Variants in FIG4 observed in about 807,000 individuals in gnomAD.
FIG4 encodes the protein polyphosphoinositide phosphatase.
FIG4 carries 112 observed loss-of-function variants against 118.6 expected under a neutral mutation model. The ratio of observed to expected loss-of-function variants is 0.94; its 90% CI spans 0.81 to 1.11. The LOEUF is 1.11. Ranked by LOEUF, FIG4 falls within the 50% of genes least tolerant of loss-of-function variation. The pLI, the probability that FIG4 is intolerant of heterozygous loss-of-function variation, is 0.00. For synonymous variants in FIG4, 369 were observed against 381.2 expected (o/e 0.97, Z 0.37); for missense variants, 969 against 1,111.7 (o/e 0.87, Z 1.83).
intron 22 of FIG4, among the ~76,000 whole-genome samples, chr6:109,805,769 A>G (rs1013459126): frequency 3.9e-5 from 6 of 152,200 alleles, no homozygotes; most frequent in Admixed American, 6.5e-5. Context: ...TAAGCATTGT[A>G]TATCAGAGAA....
intron 22 of FIG4, among the ~76,000 whole-genome samples, chr6:109,822,865 C>G (rs1439360372): frequency 1.5e-5 from 2 of 130,478 alleles, no homozygotes; most frequent in East Asian, 4.3e-4. Context: ...AATACATATA[C>G]ATATATAAGT....
chr6:109,714,963 C>T, intron 1 of FIG4, 115 bp from the exon 2 acceptor site: 1 of 619,030 alleles, frequency 1.6e-6, no homozygotes, highest in Non-Finnish European at 2.9e-6. Context: ...AGAAATATTT[C>T]TTTAAAAAGT....
intron 1 of FIG4, among the ~76,000 whole-genome samples, chr6:109,695,536 GT>G (rs1303267772): frequency 6.6e-6 from 1 of 151,662 alleles, no homozygotes; most frequent in East Asian, 1.9e-4. Context: ...AGCAGATACT[GT>G]TCTTTAGCTT....
chr6:109,778,900 C>CA (rs1328545144), intron 16 of FIG4, among the ~76,000 whole-genome samples: 4 of 152,072 alleles, frequency 2.6e-5, no homozygotes, highest in Non-Finnish European at 5.9e-5. Flanking sequence ...CGCCCGGCTT[C>CA]TTGCAGCTGT....
intron 1 of FIG4, among the ~76,000 whole-genome samples, chr6:109,699,265 A>G (rs552752566): frequency 3.7e-4 from 57 of 152,334 alleles, no homozygotes; most frequent in African/African-American, 1.3e-3. Context: ...TAAGTTGCCC[A>G]TAATATTCCC....
In FIG4 at chr6:109,739,902, G is replaced by A. The variant is rs1317009812; in HGVS notation, c.775+1449G>A. The stretch of plus-strand genomic sequence containing the variant: ...CGAGGTTAGCCTTGAAGAGCAGCAG[G>A]GCTGCCTTCTGTGAGGGGGACGAAA... On this transcript the variant is annotated intron_variant, in intron 7 of 22. Transcript: ENST00000230124. Among the ~76,000 whole-genome samples the A allele has an allele frequency of 2.0e-5, 3 of 152,130 alleles. No homozygotes were observed. In the East Asian group the frequency reaches 5.8e-4, roughly 29 times the overall value.
intron 21 of FIG4, 53 bp from the exon 22 acceptor site, chr6:109,796,712 T>C: frequency 3.9e-6 from 4 of 1,029,226 alleles, no homozygotes; most frequent in Non-Finnish European, 6.2e-6. Context: ...ATCTACTGAA[T>C]TAATTGCAAG....
intron 10 of FIG4, among the ~76,000 whole-genome samples, chr6:109,751,613 G>A (rs1776698976): frequency 1.3e-5 from 2 of 151,954 alleles, no homozygotes; most frequent in Admixed American, 1.3e-4. Flanking sequence ...GTTTATTCAG[G>A]GATTTGACCT....
At chr6:109,705,077 G>A (rs764166747) in intron 1 of FIG4, among the ~76,000 whole-genome samples, 6 of 152,018 alleles carry the variant, frequency 3.9e-5, no homozygotes, top group Non-Finnish European at 8.8e-5. Context: ...CTGTTCTGTT[G>A]TCTTTGAAGA....
At chr6:109,701,856 G>A (rs935212285) in intron 1 of FIG4, 8 of 426,246 alleles carry the variant, frequency 1.9e-5, no homozygotes, top group African/African-American at 4.1e-5. Flanking sequence ...GAAACATAGC[G>A]ATTATATTAA....
chr6:109,742,379 T>G lies in FIG4; in HGVS notation c.877-731T>G, dbSNP rs138079323. The stretch of plus-strand genomic sequence containing the variant: ...TGCAGCCATCCTTCCATCAGCCGTG[T>G]TCTGTCCTTTGAGTGCTCCGTCTCT... On this transcript the variant is annotated intron_variant, in intron 8 of 22. Coordinates refer to ENST00000230124, the MANE Select transcript of FIG4 (RefSeq NM_014845.6). 6.6e-3 allele frequency among the ~76,000 whole-genome samples: 1,003 copies of G among 152,204 alleles called. 13 individuals are homozygous for G. Among genetic ancestry groups the G allele is most frequent in the African/African-American group, 0.022 (898 of 41,548 alleles).
At chr6:109,780,938 T>G (rs906741990) in intron 16 of FIG4, among the ~76,000 whole-genome samples, 2 of 152,248 alleles carry the variant, frequency 1.3e-5, no homozygotes, top group Non-Finnish European at 2.9e-5. Context: ...TAAGATTCCA[T>G]CTAATGAACT....
At chr6:109,693,305 CTG>C (rs994161344) in intron 1 of FIG4, among the ~76,000 whole-genome samples, 27 of 152,150 alleles carry the variant, frequency 1.8e-4, no homozygotes, top group African/African-American at 6.5e-4. Context: ...TATATCTGCC[CTG>C]TGTTTTTCTG....
At chr6:109,708,587 AGT>A (rs1775161914) in intron 1 of FIG4, among the ~76,000 whole-genome samples, 2 of 152,320 alleles carry the variant, frequency 1.3e-5, no homozygotes, top group South Asian at 4.1e-4. Context: ...TCCTGCTAAC[AGT>A]GTATAAGTGT....
intron 18 of FIG4, among the ~76,000 whole-genome samples, chr6:109,787,540 T>C (rs922829713): frequency 6.6e-6 from 1 of 152,236 alleles, no homozygotes; most frequent in Non-Finnish European, 1.5e-5. Context: ...TGTGTTCATA[T>C]ACATATAAAC....
rs778826553 is a variant in FIG4, at chr6:109,732,620, T to TA, written c.447-17_447-16insA. 9.5e-7 allele frequency: 1 copy of TA among 1,057,620 alleles called. No individual in the cohort carries two copies. The highest frequency in any genetic ancestry group is 1.4e-6 in the Non-Finnish European group (1 of 736,414). 65.5% of individuals were successfully genotyped at this position (1,057,620 alleles called of 1,614,324 possible). A position where few individuals can be genotyped will look rare whatever the true frequency, so the allele number is the denominator to read the frequency against. On this transcript the variant is annotated splice_polypyrimidine_tract_variant and intron_variant, in intron 4 of 22. Coordinates refer to ENST00000230124, the MANE Select transcript of FIG4 (RefSeq NM_014845.6). ...AGTATTGGACAAATGAAATGTACTTTGTTTTTTTTTTTTTAGGTATCTACG... is the reference window on the plus strand; with the variant it reads ...AGTATTGGACAAATGAAATGTACTTTAGTTTTTTTTTTTTTAGGTATCTACG...
intron 15 of FIG4, among the ~76,000 whole-genome samples, chr6:109,768,774 G>A (rs1777358459): frequency 6.6e-6 from 1 of 152,130 alleles, no homozygotes; most frequent in African/African-American, 2.4e-5. Flanking sequence ...CAAATCATAG[G>A]TGCCCCTGCC....
intron 22 of FIG4, among the ~76,000 whole-genome samples, chr6:109,818,774 C>T (rs1778929309): frequency 6.6e-6 from 1 of 152,180 alleles, no homozygotes; most frequent in African/African-American, 2.4e-5. Flanking sequence ...CACTAATCTG[C>T]AAAACACATA....
At chr6:109,702,265 A>G (rs997530985) in intron 1 of FIG4, among the ~76,000 whole-genome samples, 1 of 152,188 alleles carries the variant, frequency 6.6e-6, no homozygotes, top group Non-Finnish European at 1.5e-5. Flanking sequence ...GTAGATACTG[A>G]ATTTCCTGTT....
Sources: allele counts gnomAD v4.1 joint callset (sites outside exome capture counted in the v4.1 genomes callset), GRCh38; gene constraint gnomAD v4.1.1; transcripts MANE v1.5; gene names NCBI Gene and HGNC (gene_info 2026-07-23, HGNC 2026-07-21).